TNFRSF8: variants seen among roughly 807,000 people sequenced by gnomAD.
The protein encoded by TNFRSF8 is TNF receptor superfamily member 8, also known as tumor necrosis factor receptor superfamily member 8.
In TNFRSF8, 26 loss-of-function variants were observed where a neutral mutation model predicts 70.8. The observed-to-expected ratio is 0.37, with a 90% CI of 0.27 to 0.51. The LOEUF (loss-of-function observed/expected upper bound fraction) is 0.51. Ranked by LOEUF, TNFRSF8 falls within the 20% of genes least tolerant of loss-of-function variation. The probability of loss-of-function intolerance (pLI) is 0.94; values close to 1 mark genes in which losing one functional copy is unlikely to be tolerated. For missense variants in TNFRSF8, 720 were observed against 807.9 expected (o/e 0.89, Z 1.32); for synonymous variants, 356 against 339.2 (o/e 1.05, Z -0.54).
intron 12 of TNFRSF8, among the ~76,000 whole-genome samples, chr1:12,130,605 G>C (rs551098126): frequency 6.6e-6 from 1 of 152,224 alleles, no homozygotes; most frequent in Admixed American, 6.5e-5. Flanking sequence ...GAGGGGAGGG[G>C]ACTAAAAGTG....
intron 14 of TNFRSF8, among the ~76,000 whole-genome samples, chr1:12,140,483 G>A (rs1347234075): frequency 6.6e-6 from 1 of 152,098 alleles, no homozygotes; most frequent in African/African-American, 2.4e-5. Flanking sequence ...CTGGACTCTG[G>A]AGCTCTGGGG....
At chr1:12,068,043 C>T (rs1052064260) in intron 1 of TNFRSF8, among the ~76,000 whole-genome samples, 3 of 151,968 alleles carry the variant, frequency 2.0e-5, no homozygotes, top group Non-Finnish European at 2.9e-5. Flanking sequence ...CAGTGAGTGC[C>T]GGAAGGAGGG....
chr1:12,089,696 T>TTA (rs1296520366), intron 2 of TNFRSF8, among the ~76,000 whole-genome samples: 1 of 152,136 alleles, frequency 6.6e-6, no homozygotes, highest in African/African-American at 2.4e-5. Context: ...GGTGACATGC[T>TTA]TATATATATC....
intron 14 of TNFRSF8, among the ~76,000 whole-genome samples, chr1:12,140,135 G>A (rs1642225347): frequency 6.6e-6 from 1 of 152,244 alleles, no homozygotes; most frequent in African/African-American, 2.4e-5. Flanking sequence ...TTGATGGGGA[G>A]GAGAAGGAAG....
Position 12,088,527 on chromosome 1 carries a change from G to C in TNFRSF8, c.151+3976G>C, listed in dbSNP as rs185633542. Reference sequence around the variant, plus strand: ...GAATTTGGGAGGCAGAAGAGTTTACGAGTGAAGAGCTAATGCGGGGGCTAC... The same window carrying C: ...GAATTTGGGAGGCAGAAGAGTTTACCAGTGAAGAGCTAATGCGGGGGCTAC... On this transcript the variant is annotated intron_variant, in intron 2 of 14. Transcript: ENST00000263932. This position sits in a 1 kb window ranked among gnomAD's most constrained non-coding sequence, Gnocchi z 4.0. Among the ~76,000 whole-genome samples, 7 of 152,234 alleles carry C rather than the reference G, an allele frequency of 4.6e-5. No individual in the cohort carries two copies. The highest frequency in any genetic ancestry group is 1.7e-4 in the African/African-American group (7 of 41,554).
At chr1:12,135,730 G>A in intron 13 of TNFRSF8, 117 bp downstream of exon 13, 3 of 1,411,172 alleles carry the variant, frequency 2.1e-6, no homozygotes, top group Admixed American at 2.0e-5. Context: ...GGACGGACTG[G>A]CCATTCCCCT....
chr1:12,127,389 G>T (rs1452861103), intron 12 of TNFRSF8, among the ~76,000 whole-genome samples: 1 of 152,228 alleles, frequency 6.6e-6, no homozygotes, highest in East Asian at 1.9e-4. Context: ...CCTGGCAGTG[G>T]CACAGCCAGC....
At chr1:12,093,602 G>A (rs1052791153) in intron 2 of TNFRSF8, among the ~76,000 whole-genome samples, 14 of 152,042 alleles carry the variant, frequency 9.2e-5, no homozygotes, top group East Asian at 2.0e-4. Flanking sequence ...GTGCAGTGGC[G>A]CTATGCCCGC....
rs561902767 is a variant in TNFRSF8 at position 12,093,752 on chromosome 1, G to A, written c.152-3349G>A. On this transcript the variant is annotated intron_variant, in intron 2 of 14. Coordinates refer to ENST00000263932, the MANE Select transcript of TNFRSF8 (RefSeq NM_001243.5). ...GATGAGGTTTCACCATGTTGGTCAG[G>A]CTGGTCTCAAACTCCTGACCTCAAA... 3.0e-3 allele frequency among the ~76,000 whole-genome samples: 460 copies of A among 152,232 alleles called. 3 individuals are homozygous for A. The highest frequency in any genetic ancestry group is 0.01 in the African/African-American group (426 of 41,548).
At chr1:12,082,694 A>G (rs1641087603) in intron 1 of TNFRSF8, among the ~76,000 whole-genome samples, 1 of 152,184 alleles carries the variant, frequency 6.6e-6, no homozygotes, top group Non-Finnish European at 1.5e-5. Context: ...GAACGATTAA[A>G]CAATCTCATC....
At chr1:12,094,436 A>G (rs1403783390) in intron 2 of TNFRSF8, among the ~76,000 whole-genome samples, 1 of 152,072 alleles carries the variant, frequency 6.6e-6, no homozygotes, top group African/African-American at 2.4e-5. Context: ...GCTAGAGATC[A>G]GAGGGCAAGG....
chr1:12,132,005 G>A (rs910936429), intron 12 of TNFRSF8, among the ~76,000 whole-genome samples: 16 of 150,538 alleles, frequency 1.1e-4, no homozygotes, highest in African/African-American at 3.9e-4. Context: ...GGTTGGCCAG[G>A]CTGGTCTGGA....
intron 12 of TNFRSF8, among the ~76,000 whole-genome samples, chr1:12,129,753 T>G (rs1642012990): frequency 6.6e-6 from 1 of 152,214 alleles, no homozygotes; most frequent in African/African-American, 2.4e-5. Context: ...TTCCTGGTGC[T>G]GTGTACTTTG....
chr1:12,101,918 G>A (rs540378725), intron 3 of TNFRSF8, among the ~76,000 whole-genome samples: 9 of 152,116 alleles, frequency 5.9e-5, no homozygotes, highest in East Asian at 1.9e-4. Flanking sequence ...CAGGTTATCC[G>A]CCCTCCTCGG....
At chr1:12,080,616 G>C (rs2100961827) in intron 1 of TNFRSF8, 1 of 326,210 alleles carries the variant, frequency 3.1e-6, no homozygotes, top group East Asian at 8.3e-5. Context: ...GGAGTGCAAT[G>C]GTGCGTTCTT....
chr1:12,086,058 A>C (rs914290989), intron 2 of TNFRSF8, among the ~76,000 whole-genome samples: 7 of 152,174 alleles, frequency 4.6e-5, no homozygotes, highest in African/African-American at 1.7e-4. Context: ...GGCTTCCGAC[A>C]GTGGGGGCGG....
intron 13 of TNFRSF8, 140 bp downstream of exon 13, chr1:12,135,753 A>C (rs973397951): frequency 1.6e-6 from 2 of 1,243,636 alleles, no homozygotes; most frequent in Admixed American, 2.1e-5. Flanking sequence ...CACAGTGCCC[A>C]GGGTGCAGGC....
chr1:12,080,594 G>A (rs1488150477), intron 1 of TNFRSF8: 1 of 349,244 alleles, frequency 2.9e-6, no homozygotes, highest in African/African-American at 2.2e-5. Context: ...TTTCACCCTT[G>A]TTGCCTAGGC....
chr1:12,063,447 G>A lies in TNFRSF8; in HGVS notation c.-152G>A, dbSNP rs1263557546. On this transcript the variant is annotated 5_prime_UTR_variant, in exon 1 of 15. It adds an upstream start codon to the 5' untranslated region. Coordinates refer to ENST00000263932, the MANE Select transcript of TNFRSF8 (RefSeq NM_001243.5). This position sits in a 1 kb window ranked among gnomAD's most constrained non-coding sequence, Gnocchi z 7.2. ...GAAGTGACTTCGCGGCGTGCGTTGG[G>A]TGCGGACTAGGTGGCCGCGGCGGGA... is the stretch of plus-strand genomic sequence containing the variant. The A allele has an allele frequency of 5.6e-6, 3 of 536,892 alleles. No individual in the cohort carries two copies. The highest frequency in any genetic ancestry group is 4.4e-5 in the Admixed American group (1 of 22,738). The allele number at this position is 536,892 out of a possible 1,614,324, so 33.3% of individuals were successfully genotyped here.
Sources: gnomAD v4.1 joint callset for allele counts (sites outside exome capture counted in the v4.1 genomes callset) on GRCh38, gnomAD v4.1.1 for gene constraint, Gnocchi (gnomAD v3.1) non-coding constraint, MANE v1.5 for transcripts, NCBI Gene and HGNC (gene_info 2026-07-23, HGNC 2026-07-21) for gene names.